The following TLE7 variants were observed in gnomAD, a reference collection of about 807,000 sequenced individuals.
TLE7 encodes transducin-like enhancer protein 7.
chr16:71,430,661 C>T lies in TLE7; in HGVS notation c.1221+7G>A, dbSNP rs1255906170. 2 of 398,494 alleles carry T rather than the reference C, an allele frequency of 5.0e-6. No homozygotes were observed. The highest frequency in any genetic ancestry group is 8.8e-5 in the Admixed American group (2 of 22,720). 24.7% of individuals were successfully genotyped at this position (398,494 alleles called of 1,614,324 possible). On this transcript the variant is annotated splice_region_variant and intron_variant, in intron 9 of 9. Transcript: ENST00000561754. ...CCTGGGTTCGGGCATCCCTCTGTGTCCAGTACCTGAAACAACTTTTGCAGA... is the reference window on the plus strand; with the variant it reads ...CCTGGGTTCGGGCATCCCTCTGTGTTCAGTACCTGAAACAACTTTTGCAGA...
rs1596985270 is a variant in TLE7 at position 71,433,393 on chromosome 16, CA to C, written c.-70del. On this transcript the variant is annotated 5_prime_UTR_variant, in exon 2 of 10. Coordinates refer to ENST00000561754, the MANE Select transcript of TLE7 (RefSeq NM_001367365.2). Reference sequence around the variant, plus strand: ...TTGACAAATAGACCCGCCAAACAGACACCAGGTTCCCAGTGTGTCCTGATCC... The same window carrying C: ...TTGACAAATAGACCCGCCAAACAGACCCAGGTTCCCAGTGTGTCCTGATCC... 1 of 398,402 alleles carries C rather than the reference CA, an allele frequency of 2.5e-6. No homozygotes were observed. Among genetic ancestry groups the C allele is most frequent in the Non-Finnish European group, 4.4e-6 (1 of 226,094 alleles). 24.7% of individuals were successfully genotyped at this position (398,402 alleles called of 1,614,324 possible).
At chr16:71,440,768 A>T (rs1416195987) in intron 1 of TLE7, among the ~76,000 whole-genome samples, 1 of 152,194 alleles carries the variant, frequency 6.6e-6, no homozygotes, top group Non-Finnish European at 1.5e-5. Context: ...CAAAGGTCAG[A>T]GATGGGGTCA....
In TLE7 at chr16:71,430,334, G is replaced by A. The variant is rs1337368484; in HGVS notation, c.1254C>T (p.Asp418=). ...IEESSGILCC[D]VSSDNQYLVM... ...CCAGATACTGGTTGTCAGAGGACAC[G>A]TCACAGCACAGGATACCTGAAGACT... The change falls in exon 10 of 10, where the codon GAC becomes GAT. Residue 418 remains aspartate (D), a synonymous_variant. Coordinates refer to ENST00000561754, the MANE Select transcript of TLE7 (RefSeq NM_001367365.2). 4 of 398,564 alleles carry A rather than the reference G, an allele frequency of 1.0e-5. No individual in the cohort carries two copies. The highest frequency in any genetic ancestry group is 4.1e-5 in the African/African-American group (2 of 48,638). 24.7% of individuals were successfully genotyped at this position (398,564 alleles called of 1,614,324 possible). A position where few individuals can be genotyped will look rare whatever the true frequency, so the allele number is the denominator to read the frequency against.
intron 1 of TLE7, among the ~76,000 whole-genome samples, chr16:71,438,522 T>C (rs1301633814): frequency 6.7e-6 from 1 of 149,252 alleles, no homozygotes; most frequent in Admixed American, 6.7e-5. Context: ...AATGTGCAGA[T>C]TGCTTGCTAA....
At chr16:71,430,837 C>A (rs1018229772) in intron 8 of TLE7, 96 bp from the exon 9 acceptor site, 19 of 397,334 alleles carry the variant, frequency 4.8e-5, no homozygotes, top group Admixed American at 2.2e-4. Flanking sequence ...TCTTTCTCTG[C>A]CTGTTTCCCT....
At chr16:71,441,467 C>T (rs2042847901) in intron 1 of TLE7, among the ~76,000 whole-genome samples, 2 of 152,252 alleles carry the variant, frequency 1.3e-5, no homozygotes, top group African/African-American at 4.8e-5. Context: ...AGGTTAGGGA[C>T]CCGCTGCCCC....
At chr16:71,433,462 T>TCTA in intron 1 of TLE7, 42 bp from the exon 2 acceptor site, 1 of 397,516 alleles carries the variant, frequency 2.5e-6, no homozygotes, top group Non-Finnish European at 4.4e-6. Flanking sequence ...GCACATGTGC[T>TCTA]CTGTAGGGTC....
In TLE7 at chr16:71,433,427, G is replaced by A. The variant is rs1056001427; in HGVS notation, c.-96-7C>T. On this transcript the variant is annotated splice_region_variant and splice_polypyrimidine_tract_variant and intron_variant, in intron 1 of 9. Coordinates refer to ENST00000561754, the MANE Select transcript of TLE7 (RefSeq NM_001367365.2). The stretch of plus-strand genomic sequence containing the variant: ...CCCAGTGTGTCCTGATCCCCTGTAA[G>A]GTGAAAAAAAAGAGACGCAGCTATG... 4.0e-5 allele frequency: 16 copies of A among 397,710 alleles called. No individual in the cohort carries two copies. In the Admixed American group the frequency reaches 7.0e-4, roughly 18 times the overall value. The allele number at this position is 397,710 out of a possible 1,614,324, so 24.6% of individuals were successfully genotyped here.
chr16:71,434,242 T>C (rs2058864897), intron 1 of TLE7, among the ~76,000 whole-genome samples: 1 of 152,140 alleles, frequency 6.6e-6, no homozygotes, highest in South Asian at 2.1e-4. Flanking sequence ...TACTCGGCAT[T>C]GTACAAGGCT....
intron 1 of TLE7, among the ~76,000 whole-genome samples, chr16:71,433,811 A>T (rs919369760): frequency 6.6e-6 from 1 of 152,034 alleles, no homozygotes; most frequent in African/African-American, 2.4e-5. Flanking sequence ...TACAAAAATT[A>T]GCCGGGCATG....
In TLE7 at chr16:71,431,531, A is replaced by G. The variant is rs1362656729; in HGVS notation, c.883T>C (p.Cys295Arg). ...AATATATTGCCGGTGATGTCCACAC[A>G]TCGGGACCCGTATACAGGAACTTCG... is the stretch of plus-strand genomic sequence containing the variant. ...KHEVPVYGSR[C>R]VDITGNIFWT... The change falls in exon 7 of 10, where the codon TGT becomes CGT. Residue 295 changes from cysteine to arginine, a missense_variant. Physicochemically the swap from Cys to Arg is radical, Grantham distance 180 (BLOSUM62 -3). Transcript: ENST00000561754. This position sits in a 1 kb window ranked among gnomAD's most constrained non-coding sequence, Gnocchi z 4.5. 2.5e-6 allele frequency: 1 copy of G among 400,674 alleles called. No homozygotes were observed. The highest frequency in any genetic ancestry group is 2.1e-5 in the African/African-American group (1 of 48,696). The allele number at this position is 400,674 out of a possible 1,614,324, so 24.8% of individuals were successfully genotyped here.
intron 8 of TLE7, among the ~76,000 whole-genome samples, 189 bp from the exon 9 acceptor site, chr16:71,430,930 C>T (rs542119925): frequency 3.3e-5 from 5 of 152,262 alleles, no homozygotes; most frequent in Admixed American, 6.5e-5. Flanking sequence ...ATGGTTATCA[C>T]GGAACAACAG....
At chr16:71,436,830 T>C (rs540423961) in intron 1 of TLE7, among the ~76,000 whole-genome samples, 11 of 152,364 alleles carry the variant, frequency 7.2e-5, no homozygotes, top group Admixed American at 5.9e-4. Flanking sequence ...AGGAACACTC[T>C]CTTTTTCGTG....
rs1327334567 is a variant in TLE7 at position 71,431,821 on chromosome 16, C to T, written c.791G>A (p.Cys264Tyr). 5.0e-6 allele frequency: 2 copies of T among 400,682 alleles called. No individual in the cohort carries two copies. The highest frequency in any genetic ancestry group is 4.4e-6 in the Non-Finnish European group (1 of 226,316). 24.8% of individuals were successfully genotyped at this position (400,682 alleles called of 1,614,324 possible). A position where few individuals can be genotyped will look rare whatever the true frequency, so the allele number is the denominator to read the frequency against. The change falls in exon 6 of 10, where the codon TGT becomes TAT. Residue 264 changes from cysteine to tyrosine, a missense_variant. By Grantham distance (194) the Cys-to-Tyr change is radical. Coordinates refer to ENST00000561754, the MANE Select transcript of TLE7 (RefSeq NM_001367365.2). This position sits in a 1 kb window ranked among gnomAD's most constrained non-coding sequence, Gnocchi z 4.5. ...SLAVSSDAHICLACFHGFVEI... is the reference protein window; with the variant it reads ...SLAVSSDAHIYLACFHGFVEI... The stretch of plus-strand genomic sequence containing the variant: ...AACAAATCCATGGAAACAAGCCAAA[C>T]AGATATGGGCATCAGAGGAGACAGC...
intron 1 of TLE7, among the ~76,000 whole-genome samples, chr16:71,435,151 G>A (rs976552283): frequency 1.3e-5 from 2 of 152,144 alleles, no homozygotes; most frequent in Non-Finnish European, 2.9e-5. Context: ...GGTAGCTCAC[G>A]CCTGTAATCC....
At position 71,432,315 on chromosome 16, in the gene TLE7, G is replaced by A. The variant is rs890066051; in HGVS notation, c.404C>T (p.Pro135Leu). ...CTTCTGCCTGACCACAACTTCATCTGGAATGGGGGGCTAGGCAAGGAGAGG... is the reference window on the plus strand; with the variant it reads ...CTTCTGCCTGACCACAACTTCATCTAGAATGGGGGGCTAGGCAAGGAGAGG... ...LSLLRAIPPI[P>L]DEVVVRQKRA... Residue 135 changes from proline to leucine, a missense_variant, in exon 5 of 10, where the codon CCA becomes CTA. Pro to Leu is a moderately conservative substitution (Grantham distance 98). Transcript: ENST00000561754. 1.5e-5 allele frequency: 6 copies of A among 400,732 alleles called. No individual in the cohort carries two copies. In the Admixed American group the frequency reaches 1.8e-4, roughly 12 times the overall value. The allele number at this position is 400,732 out of a possible 1,614,324, so 24.8% of individuals were successfully genotyped here.
Position 71,431,452 on chromosome 16 carries a change from T to C in TLE7, c.962A>G (p.Gln321Arg). 1 of 400,864 alleles carries C rather than the reference T, an allele frequency of 2.5e-6. No homozygotes were observed. Among genetic ancestry groups the C allele is most frequent in the Non-Finnish European group, 4.4e-6 (1 of 226,288 alleles). 24.8% of individuals were successfully genotyped at this position (400,864 alleles called of 1,614,324 possible). A position where few individuals can be genotyped will look rare whatever the true frequency, so the allele number is the denominator to read the frequency against. Residue 321 changes from glutamine to arginine, a missense_variant, in exon 7 of 10, where the codon CAG (glutamine) becomes CGG (arginine). Gln to Arg is a conservative substitution (Grantham distance 43). Coordinates refer to ENST00000561754, the MANE Select transcript of TLE7 (RefSeq NM_001367365.2). The surrounding 1 kb of genome is among the most constrained non-coding windows in gnomAD (Gnocchi z 4.5). ...CTGTAAGTTGTGTTGGTGCAGCCTC[T>C]GGTAGCTCCTCAGGTCCCAGGAATA... The part of the protein sequence containing the change: ...ILYSWDLRSY[Q>R]RLHQHNLQNE...
intron 4 of TLE7, 133 bp from the exon 5 acceptor site, chr16:71,432,458 C>T: frequency 2.5e-6 from 1 of 397,732 alleles, no homozygotes. Context: ...GCCCCTGGTT[C>T]CCAGGGTCAC....
intron 1 of TLE7, among the ~76,000 whole-genome samples, chr16:71,435,648 G>C (rs746480969): frequency 6.6e-6 from 1 of 152,114 alleles, no homozygotes; most frequent in Non-Finnish European, 1.5e-5. Context: ...AGAATGGGAG[G>C]GAGATTTGTC....
Sources: allele counts gnomAD v4.1 joint callset (sites outside exome capture counted in the v4.1 genomes callset), GRCh38; gene constraint gnomAD v4.1.1; non-coding constraint Gnocchi (gnomAD v3.1); transcripts MANE v1.5; gene names NCBI Gene and HGNC (gene_info 2026-07-23, HGNC 2026-07-21).